The following MACROD1 variants were observed in gnomAD, a reference collection of about 807,000 sequenced individuals.
MACROD1 encodes ADP-ribose glycohydrolase MACROD1.
In MACROD1, 31 loss-of-function variants were observed where a neutral mutation model predicts 41.4. The observed-to-expected ratio is 0.75, with a 90% confidence interval of 0.56 to 1.01. The LOEUF (loss-of-function observed/expected upper bound fraction) is 1.01, where lower values mean the gene tolerates loss of function less well. Among genes scored for constraint, MACROD1 ranks in the 50% least tolerant of loss-of-function variants. MACROD1 has a pLI of 0.00. For synonymous variants in MACROD1, 252 were observed against 203.4 expected, an observed-to-expected ratio of 1.24 and a Z score of -2.03; for missense variants, 473 against 460.0, an observed-to-expected ratio of 1.03 and a Z score of -0.26.
intron 1 of MACROD1, among the ~76,000 whole-genome samples, chr11:64,164,421 C>T (rs1945803771): frequency 1.3e-5 from 2 of 152,230 alleles, no homozygotes; most frequent in African/African-American, 4.8e-5. Context: ...CTTTCCCACC[C>T]TCCTGGGTTG....
intron 3 of MACROD1, among the ~76,000 whole-genome samples, chr11:64,091,228 G>A (rs1944484753): frequency 6.6e-6 from 1 of 152,072 alleles, no homozygotes; most frequent in Admixed American, 6.5e-5. Flanking sequence ...TCCGCTGCAG[G>A]GTCTGCAGCC....
At chr11:64,095,299 C>A (rs1230914487) in intron 3 of MACROD1, among the ~76,000 whole-genome samples, 1 of 152,214 alleles carries the variant, frequency 6.6e-6, no homozygotes, top group Non-Finnish European at 1.5e-5. Context: ...TCTCCTCTTT[C>A]AATTAACAAC....
rs189628278 is a variant in MACROD1 at position 64,076,833 on chromosome 11, C to T, written c.518-61552G>A. On this transcript the variant is annotated intron_variant, in intron 3 of 10. Coordinates refer to ENST00000255681, the MANE Select transcript of MACROD1 (RefSeq NM_014067.4). ...CCTACTGCGTGAGCAGCCCCCCGGT[C>T]CTCCTGCAAGCCTCTTCCTGCCTCC... Among the ~76,000 whole-genome samples the T allele has an allele frequency of 1.5e-3, 228 of 152,320 alleles. 1 individual carries two copies. Among genetic ancestry groups the T allele is most frequent in the Admixed American group, 6.9e-3 (106 of 15,310 alleles).
chr11:64,152,194 C>A, intron 2 of MACROD1, 98 bp downstream of exon 2: 1 of 919,844 alleles, frequency 1.1e-6, no homozygotes, highest in South Asian at 1.4e-5. Context: ...AGCAAGCACT[C>A]GATACATGCC....
chr11:64,137,508 T>C (rs1380772663), intron 3 of MACROD1, among the ~76,000 whole-genome samples: 1 of 152,132 alleles, frequency 6.6e-6, no homozygotes. Flanking sequence ...TTGTTACAAA[T>C]TTTGCAGTGG....
intron 3 of MACROD1, among the ~76,000 whole-genome samples, chr11:64,092,426 G>A (rs1419224769): frequency 6.6e-6 from 1 of 152,222 alleles, no homozygotes; most frequent in Non-Finnish European, 1.5e-5. Context: ...GCCTATGGAG[G>A]GCTGGTGGGG....
intron 3 of MACROD1, among the ~76,000 whole-genome samples, chr11:64,076,509 G>A (rs1435044904): frequency 2.6e-5 from 4 of 152,234 alleles, no homozygotes; most frequent in Admixed American, 2.0e-4. Context: ...CATCTGTGCC[G>A]GGCCCTGTGC....
chr11:64,004,029 C>T (rs1035662465), intron 4 of MACROD1, among the ~76,000 whole-genome samples: 8 of 152,226 alleles, frequency 5.3e-5, no homozygotes, highest in Admixed American at 1.3e-4. Context: ...TGGGGCTCTG[C>T]CTGCCCTCGC....
intron 3 of MACROD1, among the ~76,000 whole-genome samples, chr11:64,088,679 C>T (rs1293591172): frequency 6.6e-6 from 1 of 152,192 alleles, no homozygotes; most frequent in African/African-American, 2.4e-5. Flanking sequence ...AGTCACTCGA[C>T]CCCTCTGGGT....
intron 3 of MACROD1, among the ~76,000 whole-genome samples, chr11:64,112,092 C>G (rs1944872901): frequency 6.6e-6 from 1 of 152,240 alleles, no homozygotes; most frequent in Non-Finnish European, 1.5e-5. Flanking sequence ...CTCTCATCTA[C>G]AGAACGAGTC....
chr11:64,002,823 A>G (rs898312052), intron 4 of MACROD1, among the ~76,000 whole-genome samples: 7 of 152,058 alleles, frequency 4.6e-5, no homozygotes, highest in Admixed American at 2.6e-4. Flanking sequence ...CATTCAGGGG[A>G]GATGCCCTTC....
Position 64,117,696 on chromosome 11 carries a change from G to A in MACROD1, c.517+33543C>T, listed in dbSNP as rs760952151. On this transcript the variant is annotated intron_variant, in intron 3 of 10. Coordinates refer to ENST00000255681, the MANE Select transcript of MACROD1 (RefSeq NM_014067.4). ...GCTGCGCCTGGGCCACAGCCCAGCC[G>A]TGGGCTCCATCACGGAGACCTTGGT... 3.3e-5 allele frequency: 53 copies of A among 1,613,432 alleles called. 2 individuals are homozygous for A. The East Asian group carries it at 8.2e-4, about 25-fold the overall frequency.
chr11:64,158,416 T>C (rs1945702386), intron 1 of MACROD1, among the ~76,000 whole-genome samples: 1 of 152,142 alleles, frequency 6.6e-6, no homozygotes. Flanking sequence ...TTTTTTAATT[T>C]TATTTTTAGG....
chr11:64,093,382 C>T (rs559914252), intron 3 of MACROD1, among the ~76,000 whole-genome samples: 2 of 152,354 alleles, frequency 1.3e-5, no homozygotes, highest in South Asian at 4.1e-4. Flanking sequence ...CAATTATACT[C>T]CCCGGTGGAG....
chr11:64,001,347 G>A, intron 4 of MACROD1: 1 of 686,480 alleles, frequency 1.5e-6, no homozygotes, highest in Non-Finnish European at 2.7e-6. Flanking sequence ...GGGAGGACAG[G>A]GCCCATCTTT....
intron 3 of MACROD1, among the ~76,000 whole-genome samples, chr11:64,051,748 G>T (rs892982700): frequency 6.6e-6 from 1 of 152,118 alleles, no homozygotes; most frequent in East Asian, 1.9e-4. Flanking sequence ...ATAGCCCTGC[G>T]GCCCAGTCCC....
At chr11:64,080,213 A>T (rs1392054860) in intron 3 of MACROD1, among the ~76,000 whole-genome samples, 1 of 152,070 alleles carries the variant, frequency 6.6e-6, no homozygotes, top group African/African-American at 2.4e-5. Flanking sequence ...GGGTATCAAC[A>T]TGTTGGCCAG....
At chr11:64,145,095 G>A (rs1231088293) in intron 3 of MACROD1, among the ~76,000 whole-genome samples, 1 of 152,242 alleles carries the variant, frequency 6.6e-6, no homozygotes, top group Non-Finnish European at 1.5e-5. Flanking sequence ...GTGCTTGGGA[G>A]GAGGGCGGTG....
At chr11:64,063,127 G>A (rs7130019) in intron 3 of MACROD1, among the ~76,000 whole-genome samples, 1,995 of 152,280 alleles carry the variant, frequency 0.013, 42 homozygotes, top group African/African-American at 0.045. Flanking sequence ...GCAGCAGAGA[G>A]GCCACCCTAT....
Sources: allele counts gnomAD v4.1 joint callset (sites outside exome capture counted in the v4.1 genomes callset), GRCh38; gene constraint gnomAD v4.1.1; transcripts MANE v1.5; gene names NCBI Gene and HGNC (gene_info 2026-07-23, HGNC 2026-07-21).